TBC1D9: variants seen among roughly 807,000 people sequenced by gnomAD.
TBC1D9 encodes the protein TBC1 domain family member 9, also known as TBC1 domain family member 9A.
In TBC1D9, 63 loss-of-function variants were observed where a neutral mutation model predicts 132.0. That is an observed-to-expected ratio of 0.48 (90% CI 0.39 to 0.59). The LOEUF (loss-of-function observed/expected upper bound fraction) is 0.59. TBC1D9 is among the 20% of genes least tolerant of loss of function. The pLI, the probability that TBC1D9 is intolerant of heterozygous loss-of-function variation, is 0.00. For synonymous variants in TBC1D9, 610 were observed against 609.9 expected (o/e 1.00, Z 0.00); for missense variants, 1,261 against 1,592.7 (o/e 0.79, Z 3.54).
chr4:140,690,917 C>T (rs573019391), intron 2 of TBC1D9, among the ~76,000 whole-genome samples: 2 of 152,286 alleles, frequency 1.3e-5, no homozygotes, highest in African/African-American at 4.8e-5. Flanking sequence ...TATCAGTAAA[C>T]AGCAGCTTTA....
At chr4:140,720,660 G>A (rs994592516) in intron 1 of TBC1D9, among the ~76,000 whole-genome samples, 11 of 152,154 alleles carry the variant, frequency 7.2e-5, no homozygotes, top group African/African-American at 2.7e-4. Flanking sequence ...TTACCTGGGT[G>A]GTAATATTGG....
chr4:140,705,522 G>GTGTA (rs372609795), intron 1 of TBC1D9, among the ~76,000 whole-genome samples: 3,290 of 137,644 alleles, frequency 0.024, 76 homozygotes, highest in Admixed American at 0.063. Flanking sequence ...ATGTGTGTGT[G>GTGTA]TGTGTGTGTG....
chr4:140,623,022 T>C, intron 20 of TBC1D9, 105 bp from the exon 21 acceptor site: 2 of 1,353,204 alleles, frequency 1.5e-6, no homozygotes, highest in Non-Finnish European at 1.9e-6. Context: ...TAAAGATCCC[T>C]GGAAAGTCCT....
At chr4:140,734,137 A>G (rs1020217246) in intron 1 of TBC1D9, among the ~76,000 whole-genome samples, 3 of 151,654 alleles carry the variant, frequency 2.0e-5, no homozygotes, top group African/African-American at 7.3e-5. Context: ...TGCTTTTTGG[A>G]TTTTTCTGAT....
At chr4:140,624,269 G>A (rs372687425) in intron 19 of TBC1D9, 45 bp downstream of exon 19, 1 of 1,610,670 alleles carries the variant, frequency 6.2e-7, no homozygotes, top group African/African-American at 1.3e-5. Context: ...AAAAACAAGT[G>A]TACAACCAGC....
intron 1 of TBC1D9, 54 bp from the exon 2 acceptor site, chr4:140,701,668 C>T: frequency 1.7e-5 from 24 of 1,378,764 alleles, no homozygotes; most frequent in Non-Finnish European, 2.5e-5. Flanking sequence ...TACTTTCCCA[C>T]ATTCCCAGGG....
At chr4:140,696,276 G>A (rs1337199268) in intron 2 of TBC1D9, among the ~76,000 whole-genome samples, 2 of 151,758 alleles carry the variant, frequency 1.3e-5, no homozygotes, top group Admixed American at 6.6e-5. Flanking sequence ...GGCCAACAAG[G>A]TGAAACCCCG....
In TBC1D9 at chr4:140,624,233, G is replaced by A. The variant is rs1326247423; in HGVS notation, c.2975-14C>T. 1 of 1,610,812 alleles carries A rather than the reference G, an allele frequency of 6.2e-7. No homozygotes were observed. The highest frequency in any genetic ancestry group is 8.5e-7 in the Non-Finnish European group (1 of 1,178,090). ...TTGCTCTCTTCCCTACAACCCAAAT[G>A]TCAAGAAATAAGTGCTTACAGGCCA... On this transcript the variant is annotated splice_polypyrimidine_tract_variant and intron_variant, in intron 19 of 20. Transcript: ENST00000442267.
chr4:140,643,016 C>T, intron 13 of TBC1D9: 4 of 855,778 alleles, frequency 4.7e-6, no homozygotes, highest in Non-Finnish European at 5.4e-6. Context: ...CGTCCATGTC[C>T]TCCACGGAGG....
At chr4:140,661,303 T>A (rs575480010) in intron 10 of TBC1D9, among the ~76,000 whole-genome samples, 2 of 152,368 alleles carry the variant, frequency 1.3e-5, no homozygotes, top group African/African-American at 4.8e-5. Context: ...TTTGTTGGTA[T>A]GTAGGCAACT....
In TBC1D9 at chr4:140,622,660, G is replaced by A. The variant is rs1471312227; in HGVS notation, c.3336C>T (p.Pro1112=). The part of the protein sequence containing the change: ...GQPYVVESVE[P]LPASLAPDSE... Reference sequence around the variant, plus strand: ...TGTCGGGGGCCAGGCTGGCCGGCAGGGGCTCAACAGACTCCACCACGTAAG... The same window carrying A: ...TGTCGGGGGCCAGGCTGGCCGGCAGAGGCTCAACAGACTCCACCACGTAAG... Residue 1112 remains proline, a synonymous_variant, in exon 21 of 21, where the codon CCC becomes CCT. Coordinates refer to ENST00000442267, the MANE Select transcript of TBC1D9 (RefSeq NM_015130.3). The A allele has an allele frequency of 6.2e-7, 1 of 1,610,166 alleles. No individual in the cohort carries two copies. Among genetic ancestry groups the A allele is most frequent in the Non-Finnish European group, 8.5e-7 (1 of 1,177,920 alleles).
chr4:140,637,255 C>T (rs1736895413), intron 15 of TBC1D9, among the ~76,000 whole-genome samples: 2 of 151,934 alleles, frequency 1.3e-5, no homozygotes, highest in Admixed American at 1.3e-4. Flanking sequence ...GAGCCTGAGG[C>T]AGGAGAATCG....
intron 1 of TBC1D9, 95 bp downstream of exon 1, chr4:140,755,821 G>A (rs1739002791): frequency 5.8e-6 from 8 of 1,378,802 alleles, no homozygotes; most frequent in East Asian, 3.1e-5. Flanking sequence ...AGCCCCAGGG[G>A]ACCGGGCGGC....
At chr4:140,657,047 A>C (rs1039754225) in intron 13 of TBC1D9, 50 bp downstream of exon 13, 1 of 1,596,020 alleles carries the variant, frequency 6.3e-7, no homozygotes, top group Non-Finnish European at 8.5e-7. Context: ...GCAGCAGTGG[A>C]AGTGTCGAAT....
intron 9 of TBC1D9, among the ~76,000 whole-genome samples, chr4:140,663,510 C>T (rs2115989): frequency 0.55 from 82,864 of 151,948 alleles, 22,909 homozygotes; most frequent in African/African-American, 0.64. Flanking sequence ...AAAATAGAGC[C>T]ACCTTATGAT....
chr4:140,643,338 G>A (rs1737041313), intron 13 of TBC1D9: 2 of 1,339,146 alleles, frequency 1.5e-6, no homozygotes, highest in Non-Finnish European at 1.0e-6. Context: ...CTTCTCCAAG[G>A]CCTGGACTCC....
intron 1 of TBC1D9, among the ~76,000 whole-genome samples, chr4:140,734,777 C>T (rs2111071562): frequency 6.6e-6 from 1 of 152,234 alleles, no homozygotes; most frequent in South Asian, 2.1e-4. Flanking sequence ...GCCTGGGTGA[C>T]AGAGCAAGAC....
At chr4:140,633,863 T>C in intron 16 of TBC1D9, 85 bp downstream of exon 16, 1 of 1,520,626 alleles carries the variant, frequency 6.6e-7, no homozygotes, top group Non-Finnish European at 8.9e-7. Context: ...CCCTTGTGCT[T>C]CTGTAGCCCT....
intron 1 of TBC1D9, among the ~76,000 whole-genome samples, chr4:140,748,469 G>A (rs541603215): frequency 6.6e-6 from 1 of 152,194 alleles, no homozygotes; most frequent in Non-Finnish European, 1.5e-5. Flanking sequence ...CAAAACCAAC[G>A]AAAGACATAT....
Sources: gnomAD v4.1 joint callset for allele counts (sites outside exome capture counted in the v4.1 genomes callset) on GRCh38, gnomAD v4.1.1 for gene constraint, MANE v1.5 for transcripts, NCBI Gene and HGNC (gene_info 2026-07-23, HGNC 2026-07-21) for gene names.